Variants in FOXP1 observed in about 807,000 individuals in gnomAD.
The protein encoded by FOXP1 is forkhead box P1.
FOXP1 carries 15 observed loss-of-function variants against 98.2 expected under a neutral mutation model. The ratio of observed to expected loss-of-function variants is 0.15; its 90% CI spans 0.10 to 0.24. The LOEUF is 0.24. Among genes scored for constraint, FOXP1 ranks in the 10% least tolerant of loss-of-function variants. FOXP1 has a pLI of 1.00. For missense variants in FOXP1, 633 were observed against 848.5 expected (o/e 0.75, Z 3.15); for synonymous variants, 371 against 314.5 (o/e 1.18, Z -1.90).
rs1023557987 is a variant in FOXP1, at chr3:71,275,614, C to T, written c.-12+24206G>A. Among the ~76,000 whole-genome samples the T allele has an allele frequency of 5.3e-5, 8 of 152,320 alleles. No homozygotes were observed. In the South Asian group the frequency reaches 1.2e-3, roughly 24 times the overall value. ...GATGGACGCTGAGAACAAAACATAC[C>T]GAGGCACAATTCTACTGCAGAATGC... On this transcript the variant is annotated intron_variant, in intron 5 of 20. Transcript: ENST00000649528.
intron 2 of FOXP1, among the ~76,000 whole-genome samples, chr3:71,524,970 C>G (rs559049139): frequency 6.6e-6 from 1 of 152,312 alleles, no homozygotes; most frequent in South Asian, 2.1e-4. Flanking sequence ...ACCACTAAGA[C>G]AGCTCACATC....
intron 4 of FOXP1, among the ~76,000 whole-genome samples, chr3:71,313,452 C>A (rs576546552): frequency 1.3e-5 from 2 of 152,212 alleles, no homozygotes; most frequent in Non-Finnish European, 2.9e-5. Flanking sequence ...ACAACAAAAA[C>A]AAACAAGTTT....
chr3:71,404,532 C>T (rs1271869128), intron 3 of FOXP1, among the ~76,000 whole-genome samples: 1 of 151,564 alleles, frequency 6.6e-6, no homozygotes, highest in Non-Finnish European at 1.5e-5. Context: ...CTTAGTGACA[C>T]CTGACCAAGT....
intron 7 of FOXP1, among the ~76,000 whole-genome samples, chr3:71,063,632 TTTC>T (rs1296704897): frequency 6.6e-6 from 1 of 152,282 alleles, no homozygotes; most frequent in Non-Finnish European, 1.5e-5. Context: ...ACTTATTTTT[TTTC>T]TTAAGCAGAT....
intron 3 of FOXP1, among the ~76,000 whole-genome samples, chr3:71,405,593 A>G (rs949442975): frequency 5.9e-5 from 9 of 152,120 alleles, no homozygotes; most frequent in African/African-American, 9.7e-5. Flanking sequence ...TAGGCCCTAA[A>G]CCAGAGTTCC....
At chr3:71,213,741 G>A (rs966080434) in intron 5 of FOXP1, among the ~76,000 whole-genome samples, 2 of 152,118 alleles carry the variant, frequency 1.3e-5, no homozygotes, top group South Asian at 4.1e-4. Context: ...GCTTGAACCC[G>A]GGAAGTGGAG....
At chr3:71,434,056 A>G (rs1337824582) in intron 3 of FOXP1, among the ~76,000 whole-genome samples, 1 of 152,252 alleles carries the variant, frequency 6.6e-6, no homozygotes, top group South Asian at 2.1e-4. Context: ...AAATGCTTTT[A>G]AAAACAGAAA....
At chr3:71,522,501 G>A (rs1183510221) in intron 2 of FOXP1, among the ~76,000 whole-genome samples, 2 of 152,190 alleles carry the variant, frequency 1.3e-5, no homozygotes, top group African/African-American at 4.8e-5. Flanking sequence ...ACCTAAGCCA[G>A]GGAATTGACT....
intron 20 of FOXP1, among the ~76,000 whole-genome samples, chr3:70,961,124 G>A (rs1054534828): frequency 5.3e-5 from 8 of 152,074 alleles, no homozygotes; most frequent in South Asian, 4.2e-4. Context: ...GAGCCACTGC[G>A]CCCGGCTGCT....
intron 7 of FOXP1, among the ~76,000 whole-genome samples, chr3:71,055,435 T>TA (rs2050489303): frequency 6.6e-6 from 1 of 152,200 alleles, no homozygotes; most frequent in African/African-American, 2.4e-5. Context: ...GTAGATACAC[T>TA]GTAATTTAAA....
At chr3:71,180,507 G>C (rs957158827) in intron 6 of FOXP1, among the ~76,000 whole-genome samples, 4 of 151,958 alleles carry the variant, frequency 2.6e-5, no homozygotes, top group Non-Finnish European at 2.9e-5. Flanking sequence ...CAATAAAAAA[G>C]CTGCTTCTTA....
intron 4 of FOXP1, among the ~76,000 whole-genome samples, chr3:71,331,523 C>T (rs1281275271): frequency 1.3e-5 from 2 of 152,258 alleles, no homozygotes; most frequent in African/African-American, 2.4e-5. Context: ...ACCTGCGGCC[C>T]CGGTGCGGGA....
At chr3:71,413,282 ACACACACACC>A (rs1426173587) in intron 3 of FOXP1, among the ~76,000 whole-genome samples, 2 of 143,364 alleles carry the variant, frequency 1.4e-5, no homozygotes, top group African/African-American at 2.6e-5. Context: ...ACACACACAC[ACACACACACC>A]CAAAACAGCC....
At chr3:70,966,361 C>A in intron 19 of FOXP1, 1 of 395,944 alleles carries the variant, frequency 2.5e-6, no homozygotes, top group Non-Finnish European at 4.8e-6. Context: ...AGGTTTATGT[C>A]GGATGCGTTT....
chr3:71,072,369 G>T (rs916193753), intron 7 of FOXP1, among the ~76,000 whole-genome samples: 10 of 152,084 alleles, frequency 6.6e-5, no homozygotes, highest in Admixed American at 6.5e-5. Flanking sequence ...CAGAAATATG[G>T]ATTAAAATTA....
At chr3:71,259,647 TAAG>T (rs2068930420) in intron 5 of FOXP1, among the ~76,000 whole-genome samples, 2 of 152,100 alleles carry the variant, frequency 1.3e-5, no homozygotes, top group African/African-American at 4.8e-5. Flanking sequence ...TGAGTAATGA[TAAG>T]AAGAAAAAGA....
chr3:71,194,842 C>T (rs2063206244), intron 6 of FOXP1, among the ~76,000 whole-genome samples: 1 of 152,118 alleles, frequency 6.6e-6, no homozygotes, highest in African/African-American at 2.4e-5. Context: ...AGAGTTGAAA[C>T]ATTACAGAGA....
intron 5 of FOXP1, among the ~76,000 whole-genome samples, chr3:71,299,364 CCTGA>C (rs1560267911): frequency 6.6e-6 from 1 of 152,118 alleles, no homozygotes; most frequent in Non-Finnish European, 1.5e-5. Flanking sequence ...TGCTATGGTG[CCTGA>C]CTGTTAATTT....
In FOXP1 at chr3:70,987,665, C is replaced by T. The variant is rs144179853; in HGVS notation, c.1146+329G>A. On this transcript the variant is annotated intron_variant, in intron 14 of 20. Coordinates refer to ENST00000649528, the MANE Select transcript of FOXP1 (RefSeq NM_001349338.3). ...TTAGCTGTCTTCTCTGCGTTCCTACCATTCAGAAAGATTTTCTTTTTCCAG... is the reference window on the plus strand; with the variant it reads ...TTAGCTGTCTTCTCTGCGTTCCTACTATTCAGAAAGATTTTCTTTTTCCAG... Among the ~76,000 whole-genome samples, 321 of 152,298 alleles carry T rather than the reference C, an allele frequency of 2.1e-3. 2 individuals carry two copies. The highest frequency in any genetic ancestry group is 7.5e-3 in the African/African-American group (310 of 41,544).
Sources: gnomAD v4.1 joint callset for allele counts (sites outside exome capture counted in the v4.1 genomes callset) on GRCh38, gnomAD v4.1.1 for gene constraint, MANE v1.5 for transcripts, NCBI Gene and HGNC (gene_info 2026-07-23, HGNC 2026-07-21) for gene names.